LRRC14B: variants seen among roughly 807,000 people sequenced by gnomAD.
LRRC14B encodes the protein leucine rich repeat containing 14B, also known as leucine-rich repeat-containing protein 14B.
In LRRC14B, 23 loss-of-function variants were observed where a neutral mutation model predicts 16.9. The ratio of observed to expected loss-of-function variants is 1.36; its 90% confidence interval spans 0.98 to 1.92. The LOEUF is 1.92. Ranked by LOEUF, LRRC14B falls within the 30% of genes most tolerant of loss-of-function variation. LRRC14B has a pLI of 0.00. For missense variants in LRRC14B, 766 were observed against 705.7 expected (o/e 1.09, Z -0.97); for synonymous variants, 358 against 332.5 (o/e 1.08, Z -0.83).
chr5:195,077 C>T lies in LRRC14B; in HGVS notation c.1269C>T (p.Phe423=). The T allele has an allele frequency of 6.2e-7, 1 of 1,613,830 alleles. No individual in the cohort carries two copies. Among genetic ancestry groups the T allele is most frequent in the Non-Finnish European group, 8.5e-7 (1 of 1,179,906 alleles). Residue 423 remains phenylalanine, a synonymous_variant, in exon 2 of 2, where the codon TTC becomes TTT. Transcript: ENST00000328278. ...TCCCCGAGCTGCGCTGCATTGAGTT[C>T]CCGGTGCCCAAGGACTGCTACCCCG... ...CELPELRCIE[F]PVPKDCYPEG...
intron 1 of LRRC14B, among the ~76,000 whole-genome samples, 154 bp from the exon 2 acceptor site, chr5:194,554 T>TTA (rs767849839): frequency 2.0e-5 from 3 of 152,208 alleles, no homozygotes; most frequent in Non-Finnish European, 2.9e-5. Flanking sequence ...TAACAACCAC[T>TTA]CCTAGCTCAT....
chr5:191,909 C>T lies in LRRC14B; in HGVS notation c.371C>T (p.Pro124Leu), dbSNP rs1490806428. ...GIRDVQVQRC[P>L]CGRALGRWGR... The stretch of plus-strand genomic sequence containing the variant: ...CGAGATGTGCAGGTGCAGCGGTGCC[C>T]GTGCGGGAGGGCGCTGGGCAGGTGG... The change falls in exon 1 of 2, where the codon CCG becomes CTG. Residue 124 changes from proline to leucine, a missense_variant. Physicochemically the swap from Pro to Leu is moderately conservative, Grantham distance 98 (BLOSUM62 -3). Coordinates refer to ENST00000328278, the MANE Select transcript of LRRC14B (RefSeq NM_001080478.3). 9 of 1,507,884 alleles carry T rather than the reference C, an allele frequency of 6.0e-6. No homozygotes were observed. Among genetic ancestry groups the T allele is most frequent in the South Asian group, 1.2e-5 (1 of 80,538 alleles). 93.4% of individuals were successfully genotyped at this position (1,507,884 alleles called of 1,614,324 possible).
rs533745223 is a variant in LRRC14B at position 192,353 on chromosome 5, C to A, written c.815C>A (p.Ala272Asp). ...GAGGACCCCCTCCTCGCCTCCATCG[C>A]CCGGGAGCTCAGCAAGATGGCGCAG... is the stretch of plus-strand genomic sequence containing the variant. ...DGEDPLLASI[A>D]RELSKMAQLT... is the part of the protein sequence containing the mutation. The change falls in exon 1 of 2, where the codon GCC becomes GAC. Residue 272 changes from alanine (A) to aspartate (D), a missense_variant. By Grantham distance (126) the Ala-to-Asp change is moderately radical. Coordinates refer to ENST00000328278, the MANE Select transcript of LRRC14B (RefSeq NM_001080478.3). 1.3e-6 allele frequency: 2 copies of A among 1,592,598 alleles called. No individual in the cohort carries two copies. The highest frequency in any genetic ancestry group is 2.3e-5 in the East Asian group (1 of 43,648).
Position 192,339 on chromosome 5 carries a change from C to G in LRRC14B, c.801C>G (p.Leu267=). 6.3e-7 allele frequency: 1 copy of G among 1,597,246 alleles called. No individual in the cohort carries two copies. The highest frequency in any genetic ancestry group is 8.5e-7 in the Non-Finnish European group (1 of 1,173,024). The change falls in exon 1 of 2, where the codon CTC becomes CTG. Residue 267 remains leucine, a synonymous_variant. Coordinates refer to ENST00000328278, the MANE Select transcript of LRRC14B (RefSeq NM_001080478.3). ...CCACTCCCGACGGCGAGGACCCCCT[C>G]CTCGCCTCCATCGCCCGGGAGCTCA... ...YASTPDGEDP[L]LASIARELSK... is the part of the protein sequence containing the mutation.
Position 192,101 on chromosome 5 carries a change from G to GC in LRRC14B, c.567dup (p.Ser190LeufsTer63). On this transcript the variant is annotated frameshift_variant, in exon 1 of 2. Coordinates refer to ENST00000328278, the MANE Select transcript of LRRC14B (RefSeq NM_001080478.3). LOFTEE classifies it high-confidence loss of function. ...GGCCCGGCCCCTCTGCGGGTGCACT[G>GC]CCCCTCGTTCCGGGCGGACAGCCTG... The GC allele has an allele frequency of 1.3e-6, 2 of 1,557,224 alleles. No individual in the cohort carries two copies. The highest frequency in any genetic ancestry group is 1.7e-6 in the Non-Finnish European group (2 of 1,154,590).
At chr5:194,520 G>A (rs1009515622) in intron 1 of LRRC14B, among the ~76,000 whole-genome samples, 188 bp from the exon 2 acceptor site, 5 of 152,152 alleles carry the variant, frequency 3.3e-5, no homozygotes, top group Admixed American at 6.5e-5. Context: ...AACTTTTCAC[G>A]TTTCACAAAC....
chr5:192,212 A>C lies in LRRC14B; in HGVS notation c.674A>C (p.His225Pro), dbSNP rs1414390629. 3.1e-6 allele frequency: 5 copies of C among 1,598,880 alleles called. No individual in the cohort carries two copies. The highest frequency in any genetic ancestry group is 4.3e-6 in the Non-Finnish European group (5 of 1,173,856). The change falls in exon 1 of 2, where the codon CAT (histidine) becomes CCT (proline). Residue 225 changes from histidine to proline, a missense_variant. Transcript: ENST00000328278. The stretch of plus-strand genomic sequence containing the variant: ...GAGGTGGTGCACAACGTGCGGCTGC[A>C]TGCGGGCCACGTGCAGCAGCTTCTG... Reference protein sequence around the residue: ...KLEVVHNVRLHAGHVQQLLAQ... With the variant: ...KLEVVHNVRLPAGHVQQLLAQ...
Position 195,418 on chromosome 5 carries a change from T to C in LRRC14B, c.*65T>C. On this transcript the variant is annotated 3_prime_UTR_variant, in exon 2 of 2. Coordinates refer to ENST00000328278, the MANE Select transcript of LRRC14B (RefSeq NM_001080478.3). ...CTGCAGGTGCCCCGGGCTTTAGTCC[T>C]GGATCTGAGGCTTGGGCCCGGCATT... 1 of 1,450,338 alleles carries C rather than the reference T, an allele frequency of 6.9e-7. No homozygotes were observed. The highest frequency in any genetic ancestry group is 9.3e-7 in the Non-Finnish European group (1 of 1,073,748). The allele number at this position is 1,450,338 out of a possible 1,614,324, so 89.8% of individuals were successfully genotyped here. A position where few individuals can be genotyped will look rare whatever the true frequency, so the allele number is the denominator to read the frequency against.
rs1733896033 is a variant in LRRC14B, at chr5:195,290, C to G, written c.1482C>G (p.Phe494Leu). 1 of 1,610,714 alleles carries G rather than the reference C, an allele frequency of 6.2e-7. No homozygotes were observed. The highest frequency in any genetic ancestry group is 8.5e-7 in the Non-Finnish European group (1 of 1,179,890). The part of the protein sequence containing the change: ...IQETSNELGA[F>L]LLQAFKTALE... ...AAACAAGCAATGAGCTTGGTGCTTT[C>G]TTGCTGCAAGCTTTCAAAACTGCTC... The change falls in exon 2 of 2, where the codon TTC (phenylalanine) becomes TTG (leucine). Residue 494 changes from phenylalanine to leucine, a missense_variant. Physicochemically the swap from Phe to Leu is conservative, Grantham distance 22. Transcript: ENST00000328278.
rs191618531 is a variant in LRRC14B at position 192,548 on chromosome 5, C to G, written c.899+111C>G. 2.5e-3 allele frequency: 2,915 copies of G among 1,173,554 alleles called. 10 individuals carry two copies. Among genetic ancestry groups the G allele is most frequent in the Admixed American group, 3.3e-3 (92 of 28,130 alleles). 72.7% of individuals were successfully genotyped at this position (1,173,554 alleles called of 1,614,324 possible). On this transcript the variant is annotated intron_variant, in intron 1 of 1. Coordinates refer to ENST00000328278, the MANE Select transcript of LRRC14B (RefSeq NM_001080478.3). ...CATGAGGCTACACGGCCTCCAGCCT[C>G]TCACTCCGGGTGTGGCCACAGCCAC...
At position 195,345 on chromosome 5, in the gene LRRC14B, A is replaced by G. The variant is rs1290411363; in HGVS notation, c.1537A>G (p.Ile513Val). ...AAACTTCTCCAGAGCACTCAAACAA[A>G]TAGAGTAGTTCCTCCACTCGCACCA... ...LENFSRALKQ[I>V]E Residue 513 changes from isoleucine (I) to valine (V), a missense_variant, in exon 2 of 2, where the codon ATA becomes GTA. Coordinates refer to ENST00000328278, the MANE Select transcript of LRRC14B (RefSeq NM_001080478.3). 3 of 1,601,130 alleles carry G rather than the reference A, an allele frequency of 1.9e-6. No homozygotes were observed. The highest frequency in any genetic ancestry group is 2.5e-6 in the Non-Finnish European group (3 of 1,179,400).
At position 191,723 on chromosome 5, in the gene LRRC14B, TC is replaced by T; in HGVS notation, c.187del (p.Arg63GlyfsTer114). 1 of 1,578,026 alleles carries T rather than the reference TC, an allele frequency of 6.3e-7. No homozygotes were observed. The highest frequency in any genetic ancestry group is 8.6e-7 in the Non-Finnish European group (1 of 1,162,838). ...AVLGRWPLEE[F>X]RLGALLGPGA... The stretch of plus-strand genomic sequence containing the variant: ...CTGGGGCGCTGGCCCCTGGAGGAGT[TC>T]CGGCTGGGAGCGCTGCTGGGTCCTG... On this transcript the variant is annotated frameshift_variant, in exon 1 of 2. Transcript: ENST00000328278. LOFTEE classifies it high-confidence loss of function.
chr5:191,528 T>C lies in LRRC14B; in HGVS notation c.-11T>C. The C allele has an allele frequency of 1.3e-6, 2 of 1,598,054 alleles. No homozygotes were observed. The highest frequency in any genetic ancestry group is 1.1e-5 in the South Asian group (1 of 89,750). On this transcript the variant is annotated 5_prime_UTR_variant, in exon 1 of 2. Coordinates refer to ENST00000328278, the MANE Select transcript of LRRC14B (RefSeq NM_001080478.3). ...TGGGGAAAGTCGTGGGGAGCGGTCC[T>C]GTCTCGGGCCATGGACACAATGAGG... is the stretch of plus-strand genomic sequence containing the variant.
At chr5:193,059 G>A (rs536575003) in intron 1 of LRRC14B, among the ~76,000 whole-genome samples, 1 of 152,258 alleles carries the variant, frequency 6.6e-6, no homozygotes, top group African/African-American at 2.4e-5. Context: ...GCAGTGGTGA[G>A]GGGGATGCCC....
intron 1 of LRRC14B, 73 bp downstream of exon 1, chr5:192,510 T>C (rs556718293): frequency 1.4e-6 from 2 of 1,380,126 alleles, no homozygotes; most frequent in East Asian, 2.7e-5. Context: ...AGGGGCCTGC[T>C]CATGTCCAAG....
rs557763472 is a variant in LRRC14B, at chr5:192,373, G to C, written c.835G>C (p.Ala279Pro). ...ASIARELSKM[A>P]QLTELSVAFS... ...CATCGCCCGGGAGCTCAGCAAGATG[G>C]CGCAGCTCACTGAGCTCAGTGTGGC... is the stretch of plus-strand genomic sequence containing the variant. Residue 279 changes from alanine (A) to proline (P), a missense_variant, in exon 1 of 2, where the codon GCG (alanine) becomes CCG (proline). Transcript: ENST00000328278. 5.7e-6 allele frequency: 9 copies of C among 1,586,336 alleles called. No homozygotes were observed. The East Asian group carries it at 2.1e-4, about 36-fold the overall frequency.
In LRRC14B at chr5:195,154, A is replaced by C. The variant is rs1389016081; in HGVS notation, c.1346A>C (p.Gln449Pro). 1 of 1,613,992 alleles carries C rather than the reference A, an allele frequency of 6.2e-7. No homozygotes were observed. The highest frequency in any genetic ancestry group is 1.3e-5 in the African/African-American group (1 of 75,066). Residue 449 changes from glutamine (Q) to proline (P), a missense_variant, in exon 2 of 2, where the codon CAG becomes CCG. Gln to Pro is a moderately conservative substitution (Grantham distance 76, BLOSUM62 -1). Coordinates refer to ENST00000328278, the MANE Select transcript of LRRC14B (RefSeq NM_001080478.3). The part of the protein sequence containing the change: ...DELAMSKFNQ[Q>P]KYDEIAEELR... Reference sequence around the variant, plus strand: ...CTGGCCATGTCCAAGTTCAACCAGCAGAAATACGACGAGATCGCCGAGGAG... The same window carrying C: ...CTGGCCATGTCCAAGTTCAACCAGCCGAAATACGACGAGATCGCCGAGGAG...
At position 195,779 on chromosome 5, in the gene LRRC14B, T is replaced by C; in HGVS notation, c.*426T>C. 5.5e-6 allele frequency: 1 copy of C among 182,786 alleles called. No homozygotes were observed. The highest frequency in any genetic ancestry group is 1.3e-4 in the South Asian group (1 of 7,892). The allele number at this position is 182,786 out of a possible 1,614,324, so 11.3% of individuals were successfully genotyped here. A position where few individuals can be genotyped will look rare whatever the true frequency, so the allele number is the denominator to read the frequency against. ...GAGGGGGAGGGGAAGAGAGAACACA[T>C]CACAGAAACTGCACAAAATAAGCAG... On this transcript the variant is annotated 3_prime_UTR_variant, in exon 2 of 2. Coordinates refer to ENST00000328278, the MANE Select transcript of LRRC14B (RefSeq NM_001080478.3).
chr5:192,112 C>G lies in LRRC14B; in HGVS notation c.574C>G (p.Arg192Gly). ...TCTGCGGGTGCACTGCCCCTCGTTC[C>G]GGGCGGACAGCCTGAGCCCCAGCCA... ...APLRVHCPSF[R>G]ADSLSPSQLL... The change falls in exon 1 of 2, where the codon CGG becomes GGG. Residue 192 changes from arginine (R) to glycine (G), a missense_variant. Coordinates refer to ENST00000328278, the MANE Select transcript of LRRC14B (RefSeq NM_001080478.3). 1 of 1,564,488 alleles carries G rather than the reference C, an allele frequency of 6.4e-7. No homozygotes were observed. Among genetic ancestry groups the G allele is most frequent in the Non-Finnish European group, 8.6e-7 (1 of 1,157,610 alleles).
Sources: allele counts gnomAD v4.1 joint callset (sites outside exome capture counted in the v4.1 genomes callset), GRCh38; gene constraint gnomAD v4.1.1; transcripts MANE v1.5; gene names NCBI Gene and HGNC (gene_info 2026-07-23, HGNC 2026-07-21).